The following HECW1 variants were observed in gnomAD, a reference collection of about 807,000 sequenced individuals.
HECW1 encodes E3 ubiquitin-protein ligase HECW1.
A neutral mutation model predicts 182.3 loss-of-function variants in HECW1; 61 were observed. That is an observed-to-expected ratio of 0.33 (90% CI 0.27 to 0.41). The LOEUF (loss-of-function observed/expected upper bound fraction) is 0.41, where lower values mean the gene tolerates loss of function less well. Ranked by LOEUF, HECW1 falls within the 10% of genes least tolerant of loss-of-function variation. The pLI, the probability that HECW1 is intolerant of heterozygous loss-of-function variation, is 1.00. For synonymous variants in HECW1, 859 were observed against 832.6 expected (o/e 1.03, Z -0.55); for missense variants, 1,739 against 2,108.9 (o/e 0.82, Z 3.44).
rs549837075 is a variant in HECW1, at chr7:43,316,499, C to A, written c.353-4136C>A. ...GTATTAGCTCAAGGAATCCTTTCAA[C>A]AAGATTTTGAGGTAGGTACTTATAG... is the stretch of plus-strand genomic sequence containing the variant. On this transcript the variant is annotated intron_variant, in intron 4 of 29. Coordinates refer to ENST00000395891, the MANE Select transcript of HECW1 (RefSeq NM_015052.5). Among the ~76,000 whole-genome samples the A allele has an allele frequency of 3.9e-3, 600 of 152,204 alleles. 6 individuals are homozygous for A. The highest frequency in any genetic ancestry group is 0.013 in the African/African-American group (539 of 41,530).
intron 12 of HECW1, among the ~76,000 whole-genome samples, chr7:43,451,900 A>C (rs1396912059): frequency 6.6e-6 from 1 of 152,204 alleles, no homozygotes; most frequent in African/African-American, 2.4e-5. Flanking sequence ...CTGTGCTTAC[A>C]TGAAGCAGTT....
chr7:43,169,229 G>A (rs1386277725), intron 2 of HECW1, among the ~76,000 whole-genome samples: 1 of 152,148 alleles, frequency 6.6e-6, no homozygotes, highest in Admixed American at 6.5e-5. Flanking sequence ...TGATAAGTTA[G>A]ATGAGATCCG....
intron 3 of HECW1, chr7:43,249,315 C>G (rs1799788958): frequency 6.6e-6 from 1 of 152,536 alleles, no homozygotes; most frequent in South Asian, 2.1e-4. Flanking sequence ...ACGCAGCACC[C>G]CTGAAGGACC....
intron 19 of HECW1, among the ~76,000 whole-genome samples, chr7:43,499,678 A>G (rs773250671): frequency 1.3e-5 from 2 of 152,144 alleles, no homozygotes; most frequent in Non-Finnish European, 2.9e-5. Flanking sequence ...AATTTTCCCT[A>G]TTTCTGCTGC....
Position 43,311,770 on chromosome 7 carries a change from A to C in HECW1, c.35A>C (p.Tyr12Ser). Residue 12 changes from tyrosine (Y) to serine (S), a missense_variant, in exon 4 of 30, where the codon TAC (tyrosine) becomes TCC (serine). Coordinates refer to ENST00000395891, the MANE Select transcript of HECW1 (RefSeq NM_015052.5). ...GTCTCTTTGCTCCCACAGAATCTGT[A>C]CCAGAACAGGTTTTTAGGCCTGGCC... ...LLHLCSVKNL[Y>S]QNRFLGLAAM... is the part of the protein sequence containing the mutation. The C allele has an allele frequency of 6.2e-7, 1 of 1,613,860 alleles. No individual in the cohort carries two copies. The highest frequency in any genetic ancestry group is 8.5e-7 in the Non-Finnish European group (1 of 1,179,872).
At chr7:43,491,859 G>T (rs1157243615) in intron 17 of HECW1, among the ~76,000 whole-genome samples, 2 of 152,206 alleles carry the variant, frequency 1.3e-5, no homozygotes, top group African/African-American at 4.8e-5. Flanking sequence ...CAAGTGCTAG[G>T]ATTACAGGCG....
intron 2 of HECW1, among the ~76,000 whole-genome samples, chr7:43,227,032 T>A (rs1218392158): frequency 6.6e-6 from 1 of 152,260 alleles, no homozygotes; most frequent in Non-Finnish European, 1.5e-5. Context: ...ATTAAAAGAA[T>A]ATATTCATCT....
At chr7:43,418,543 C>A (rs912752187) in intron 8 of HECW1, among the ~76,000 whole-genome samples, 1 of 152,106 alleles carries the variant, frequency 6.6e-6, no homozygotes, top group African/African-American at 2.4e-5. Flanking sequence ...TGCATGATTT[C>A]TATTGATCTA....
intron 3 of HECW1, among the ~76,000 whole-genome samples, chr7:43,307,550 G>C (rs1807735941): frequency 6.6e-6 from 1 of 152,108 alleles, no homozygotes; most frequent in Non-Finnish European, 1.5e-5. Context: ...GAAGACAGTG[G>C]CCTTTTATCC....
intron 2 of HECW1, among the ~76,000 whole-genome samples, chr7:43,205,616 T>G (rs969013126): frequency 6.6e-6 from 1 of 152,188 alleles, no homozygotes; most frequent in Non-Finnish European, 1.5e-5. Context: ...AGGCTCATTG[T>G]GTCTGCAGTA....
At chr7:43,247,739 G>T (rs866549094) in intron 3 of HECW1, among the ~76,000 whole-genome samples, 1 of 127,472 alleles carries the variant, frequency 7.8e-6, no homozygotes. Flanking sequence ...AGAAAGGAAG[G>T]AAGGAGGGAG....
intron 2 of HECW1, among the ~76,000 whole-genome samples, chr7:43,134,761 G>A (rs1275062699): frequency 2.6e-5 from 4 of 151,930 alleles, no homozygotes; most frequent in African/African-American, 4.8e-5. Flanking sequence ...TTTTGTCTGC[G>A]ACTATCATTT....
rs1243952366 is a variant in HECW1 at position 43,487,936 on chromosome 7, A to G, written c.3235-4139A>G. ...ATTGCACCACTACACTCCAGCCTGG[A>G]TAACAGAGACTGTCTCAAAAAAAAA... On this transcript the variant is annotated intron_variant, in intron 17 of 29. Coordinates refer to ENST00000395891, the MANE Select transcript of HECW1 (RefSeq NM_015052.5). Among the ~76,000 whole-genome samples the G allele has an allele frequency of 5.3e-5, 8 of 150,824 alleles. No individual in the cohort carries two copies. In the East Asian group the frequency reaches 1.4e-3, roughly 26 times the overall value.
chr7:43,131,928 T>C (rs1786970220), intron 2 of HECW1, among the ~76,000 whole-genome samples: 1 of 152,176 alleles, frequency 6.6e-6, no homozygotes, highest in South Asian at 2.1e-4. Flanking sequence ...GATTGAAAGC[T>C]GCATGCTGAG....
intron 2 of HECW1, among the ~76,000 whole-genome samples, chr7:43,206,719 T>C (rs1476049123): frequency 1.3e-5 from 2 of 152,236 alleles, no homozygotes; most frequent in African/African-American, 4.8e-5. Flanking sequence ...TCATTTATCA[T>C]TATTTTTACA....
At chr7:43,550,897 A>T (rs2081796518) in intron 27 of HECW1, among the ~76,000 whole-genome samples, 1 of 152,338 alleles carries the variant, frequency 6.6e-6, no homozygotes, top group Non-Finnish European at 1.5e-5. Context: ...TTGTCACAAT[A>T]TATGCAGCTG....
intron 3 of HECW1, among the ~76,000 whole-genome samples, chr7:43,262,247 C>CGCGTGTGTGT (rs1554333052): frequency 6.7e-6 from 1 of 149,486 alleles, no homozygotes; most frequent in Admixed American, 6.7e-5. Context: ...TGTATGTGTG[C>CGCGTGTGTGT]GTGTGTGTGT....
chr7:43,219,850 A>C (rs1341296421), intron 2 of HECW1, among the ~76,000 whole-genome samples: 3 of 152,172 alleles, frequency 2.0e-5, no homozygotes, highest in African/African-American at 4.8e-5. Flanking sequence ...AATTGGGCAT[A>C]AGACAATATG....
chr7:43,173,044 C>T (rs1017499753), intron 2 of HECW1, among the ~76,000 whole-genome samples: 19 of 152,216 alleles, frequency 1.2e-4, no homozygotes, highest in African/African-American at 4.6e-4. Context: ...CGCGTTCAGA[C>T]ACCCAACTCC....
Sources: allele counts gnomAD v4.1 joint callset (sites outside exome capture counted in the v4.1 genomes callset), GRCh38; gene constraint gnomAD v4.1.1; transcripts MANE v1.5; gene names NCBI Gene and HGNC (gene_info 2026-07-23, HGNC 2026-07-21).